CMIP: variants seen among roughly 807,000 people sequenced by gnomAD.
CMIP encodes the protein c-Maf inducing protein.
CMIP carries 13 observed loss-of-function variants against 97.3 expected under a neutral mutation model. The ratio of observed to expected loss-of-function variants is 0.13; its 90% CI spans 0.09 to 0.21. The LOEUF is 0.21. Ranked by LOEUF, CMIP falls within the 10% of genes least tolerant of loss-of-function variation. The probability of loss-of-function intolerance (pLI) is 1.00; values close to 1 mark genes in which losing one functional copy is unlikely to be tolerated. For missense variants in CMIP, 847 were observed against 1,024.9 expected (o/e 0.83, Z 2.37); for synonymous variants, 538 against 436.3 (o/e 1.23, Z -2.91).
intron 1 of CMIP, among the ~76,000 whole-genome samples, chr16:81,572,170 C>G (rs140248822): frequency 1.0e-3 from 156 of 152,366 alleles, no homozygotes; most frequent in African/African-American, 3.6e-3. Flanking sequence ...AGCTCCGCGT[C>G]TGAAGCAGCC....
intron 4 of CMIP, among the ~76,000 whole-genome samples, chr16:81,653,195 T>G (rs2092447870): frequency 6.6e-6 from 1 of 152,226 alleles, no homozygotes. Context: ...ATTTAAACTG[T>G]GCACAGCCAC....
rs940107794 is a variant in CMIP, at chr16:81,517,900, A to G, written c.300+72359A>G. On this transcript the variant is annotated intron_variant, in intron 1 of 20. Coordinates refer to ENST00000537098, the MANE Select transcript of CMIP (RefSeq NM_198390.3). ...GCAGTGGCTGCAGACATCTCTTTTC[A>G]ATGTGGACCTCCTGCCACAGCCACG... is the stretch of plus-strand genomic sequence containing the variant. 22 of 981,264 alleles carry G rather than the reference A, an allele frequency of 2.2e-5. No individual in the cohort carries two copies. The African/African-American group carries it at 2.6e-4, about 12-fold the overall frequency. 60.8% of individuals were successfully genotyped at this position (981,264 alleles called of 1,614,324 possible).
At chr16:81,546,505 A>G (rs1305844375) in intron 1 of CMIP, among the ~76,000 whole-genome samples, 1 of 152,198 alleles carries the variant, frequency 6.6e-6, no homozygotes, top group Non-Finnish European at 1.5e-5. Flanking sequence ...CAGGCGGTTC[A>G]TTCATTCACC....
At position 81,671,885 on chromosome 16, in the gene CMIP, A is replaced by G. The variant is rs879469973; in HGVS notation, c.930-81A>G. ...GAGCGGGCAGCCCCGTGCCTGAGCA[A>G]CGCCCTCCCTTTCCCCCCTTACCCT... On this transcript the variant is annotated intron_variant, in intron 8 of 20. Coordinates refer to ENST00000537098, the MANE Select transcript of CMIP (RefSeq NM_198390.3). 2.2e-5 allele frequency: 15 copies of G among 690,792 alleles called. No homozygotes were observed. In the East Asian group the frequency reaches 3.3e-4, roughly 15 times the overall value. The allele number at this position is 690,792 out of a possible 1,614,324, so 42.8% of individuals were successfully genotyped here.
intron 1 of CMIP, among the ~76,000 whole-genome samples, chr16:81,575,693 A>G (rs8045614): frequency 0.63 from 96,403 of 152,000 alleles, 30,760 homozygotes; most frequent in African/African-American, 0.65. Context: ...AGCCCAAGAC[A>G]CCAGCATGTA....
chr16:81,636,386 C>T (rs1473440356), intron 3 of CMIP, among the ~76,000 whole-genome samples: 4 of 151,974 alleles, frequency 2.6e-5, no homozygotes, highest in African/African-American at 9.6e-5. Context: ...AGTTCAAGAC[C>T]AGCCTGGTCA....
At chr16:81,610,085 C>G in intron 2 of CMIP, among the ~76,000 whole-genome samples, 1 of 152,274 alleles carries the variant, frequency 6.6e-6, no homozygotes, top group East Asian at 1.9e-4. Context: ...CTTTCCTGCT[C>G]CACCAGCAAA....
At chr16:81,498,849 T>C (rs910784302) in intron 1 of CMIP, among the ~76,000 whole-genome samples, 1 of 152,172 alleles carries the variant, frequency 6.6e-6, no homozygotes, top group Non-Finnish European at 1.5e-5. Context: ...TCCCAGTTAG[T>C]TTACACCGTG....
chr16:81,529,408 G>A (rs988983914), intron 1 of CMIP, among the ~76,000 whole-genome samples: 1 of 152,180 alleles, frequency 6.6e-6, no homozygotes, highest in African/African-American at 2.4e-5. Flanking sequence ...GACATAGATG[G>A]CTCTGGATCT....
chr16:81,645,488 G>A (rs1015250985), intron 3 of CMIP: 2 of 1,534,328 alleles, frequency 1.3e-6, no homozygotes, highest in Non-Finnish European at 8.7e-7. Flanking sequence ...TCCTGCTGAC[G>A]ACTTGTCTCC....
chr16:81,596,908 TTGA>T (rs759975345), intron 1 of CMIP, among the ~76,000 whole-genome samples: 1 of 152,244 alleles, frequency 6.6e-6, no homozygotes, highest in Non-Finnish European at 1.5e-5. Flanking sequence ...GTGATGTACA[TTGA>T]TGACATGCTT....
chr16:81,664,805 GACA>G lies in CMIP; in HGVS notation c.825+464_825+466del, dbSNP rs368648469. 3.7e-3 allele frequency: 1,098 copies of G among 297,736 alleles called. 13 individuals carry two copies. The highest frequency in any genetic ancestry group is 0.022 in the African/African-American group (1,041 of 46,612). 18.4% of individuals were successfully genotyped at this position (297,736 alleles called of 1,614,324 possible). On this transcript the variant is annotated intron_variant, in intron 7 of 20. Transcript: ENST00000537098. ...CAGCCAGGTGATCAAGGTCAACATC[GACA>G]ACAACAAGCCAGTTAGACAGAATAT...
chr16:81,682,346 C>T (rs987562303), intron 10 of CMIP, among the ~76,000 whole-genome samples: 37 of 152,186 alleles, frequency 2.4e-4, no homozygotes, highest in African/African-American at 8.0e-4. Flanking sequence ...ATGCGGATCA[C>T]CTGAGGTCGG....
chr16:81,652,100 AG>A lies in CMIP; in HGVS notation c.478-100del. ...GACTGGGCCAAGTTGTCAGTTTCTC[AG>A]GGCCCTTTACACCCTAACCCATCTG... On this transcript the variant is annotated intron_variant, in intron 3 of 20. Transcript: ENST00000537098. This position sits in a 1 kb window ranked among gnomAD's most constrained non-coding sequence, Gnocchi z 5.2. The A allele has an allele frequency of 1.2e-6, 1 of 864,496 alleles. No homozygotes were observed. The highest frequency in any genetic ancestry group is 1.8e-6 in the Non-Finnish European group (1 of 553,482). 53.6% of individuals were successfully genotyped at this position (864,496 alleles called of 1,614,324 possible).
chr16:81,577,565 C>T (rs1262370297), intron 1 of CMIP, among the ~76,000 whole-genome samples: 1 of 149,266 alleles, frequency 6.7e-6, no homozygotes, highest in Non-Finnish European at 1.5e-5. Flanking sequence ...CTATCACCAT[C>T]ATCACCATCA....
intron 3 of CMIP, among the ~76,000 whole-genome samples, chr16:81,651,660 C>G (rs1017428194): frequency 2.4e-4 from 36 of 152,242 alleles, no homozygotes; most frequent in African/African-American, 8.0e-4. Context: ...ACCATTCCCA[C>G]TCTTACTGCG....
chr16:81,676,635 C>T (rs138115271), intron 9 of CMIP, among the ~76,000 whole-genome samples: 1 of 152,170 alleles, frequency 6.6e-6, no homozygotes, highest in Non-Finnish European at 1.5e-5. Flanking sequence ...GGACTTTAGC[C>T]GATGGATTGT....
At chr16:81,597,819 G>A (rs2091587014) in intron 1 of CMIP, among the ~76,000 whole-genome samples, 1 of 152,060 alleles carries the variant, frequency 6.6e-6, no homozygotes, top group East Asian at 1.9e-4. Flanking sequence ...ACAGATTTCT[G>A]TTCCTCTCAC....
chr16:81,472,359 A>G (rs1046876526), intron 1 of CMIP, among the ~76,000 whole-genome samples: 4 of 152,348 alleles, frequency 2.6e-5, no homozygotes, highest in Admixed American at 2.6e-4. Flanking sequence ...TGCTTCGTGA[A>G]GATGAGCTGT....
Sources: gnomAD v4.1 joint callset for allele counts (sites outside exome capture counted in the v4.1 genomes callset) on GRCh38, gnomAD v4.1.1 for gene constraint, Gnocchi (gnomAD v3.1) non-coding constraint, MANE v1.5 for transcripts, NCBI Gene and HGNC (gene_info 2026-07-23, HGNC 2026-07-21) for gene names.